ERC2: variants seen among roughly 807,000 people sequenced by gnomAD.
ERC2 encodes ELKS/RAB6-interacting/CAST family member 2.
In ERC2, 42 loss-of-function variants were observed where a neutral mutation model predicts 114.8. That is an observed-to-expected ratio of 0.37 (90% CI 0.29 to 0.47). The LOEUF is 0.47. Among genes scored for constraint, ERC2 ranks in the 20% least tolerant of loss-of-function variants. ERC2 has a pLI of 0.99. For synonymous variants in ERC2, 454 were observed against 425.5 expected (o/e 1.07, Z -0.82); for missense variants, 939 against 1,150.7 (o/e 0.82, Z 2.66).
chr3:55,546,416 T>G (rs1181254687), intron 17 of ERC2, among the ~76,000 whole-genome samples: 2 of 152,160 alleles, frequency 1.3e-5, no homozygotes, highest in Admixed American at 1.3e-4. Context: ...TTCTCTGGGA[T>G]TCATTTTTCT....
At chr3:56,373,511 G>A (rs1376632471) in intron 2 of ERC2, among the ~76,000 whole-genome samples, 1 of 152,172 alleles carries the variant, frequency 6.6e-6, no homozygotes, top group Admixed American at 6.5e-5. Context: ...CTCAACAGGG[G>A]ATTAGTTGGA....
At chr3:56,425,097 G>T (rs780485791) in intron 2 of ERC2, among the ~76,000 whole-genome samples, 2 of 151,972 alleles carry the variant, frequency 1.3e-5, no homozygotes, top group Non-Finnish European at 2.9e-5. Context: ...GCATCTGGTC[G>T]CCCTTCATCC....
At chr3:56,047,200 C>T (rs2075518110) in intron 7 of ERC2, among the ~76,000 whole-genome samples, 1 of 152,204 alleles carries the variant, frequency 6.6e-6, no homozygotes, top group South Asian at 2.1e-4. Context: ...TTGTCCAAGG[C>T]AGCTTCTCCA....
rs1401618567 is a variant in ERC2 at position 55,974,541 on chromosome 3, G to A, written c.2267+11436C>T. Among the ~76,000 whole-genome samples, 8 of 152,334 alleles carry A rather than the reference G, an allele frequency of 5.3e-5. No homozygotes were observed. The East Asian group carries it at 1.4e-3, about 26-fold the overall frequency. On this transcript the variant is annotated intron_variant, in intron 12 of 17. Coordinates refer to ENST00000288221, the MANE Select transcript of ERC2 (RefSeq NM_015576.3). ...GTCCCAAAAAATGATTCCTGGAACAGGCATAAAACCCCTCCTGGAAATACA... is the reference window on the plus strand; with the variant it reads ...GTCCCAAAAAATGATTCCTGGAACAAGCATAAAACCCCTCCTGGAAATACA...
chr3:56,455,346 G>C (rs2063017390), intron 1 of ERC2, among the ~76,000 whole-genome samples: 1 of 152,146 alleles, frequency 6.6e-6, no homozygotes, highest in South Asian at 2.1e-4. Context: ...CCTAAGGCAG[G>C]TGTTTTACAC....
intron 17 of ERC2, among the ~76,000 whole-genome samples, chr3:55,683,402 A>T (rs2062156044): frequency 6.6e-6 from 1 of 152,210 alleles, no homozygotes; most frequent in Non-Finnish European, 1.5e-5. Flanking sequence ...GAGTCACACC[A>T]CACTGGCATA....
chr3:55,890,194 A>G (rs1192318822), intron 13 of ERC2, among the ~76,000 whole-genome samples: 2 of 152,232 alleles, frequency 1.3e-5, no homozygotes, highest in Non-Finnish European at 2.9e-5. Context: ...ATATGACTAG[A>G]AGCCCAAAGC....
intron 3 of ERC2, among the ~76,000 whole-genome samples, chr3:56,236,542 T>A (rs183858855): frequency 2.6e-5 from 4 of 152,308 alleles, no homozygotes; most frequent in South Asian, 4.2e-4. Flanking sequence ...AGAACTTGTA[T>A]CTTCACAGAA....
rs77880067 is a variant in ERC2 at position 56,438,467 on chromosome 3, A to T, written c.-140-3320T>A. 7.0e-3 allele frequency among the ~76,000 whole-genome samples: 1,072 copies of T among 152,282 alleles called. 23 individuals carry two copies. Among genetic ancestry groups the T allele is most frequent in the African/African-American group, 0.025 (1,023 of 41,558 alleles). ...GATTAAAACCTTCTTCTCTGGCAAT[A>T]CTTGTCTCAGTGATTGGCCTTCTGT... On this transcript the variant is annotated intron_variant, in intron 1 of 17. Transcript: ENST00000288221.
intron 15 of ERC2, among the ~76,000 whole-genome samples, chr3:55,730,872 G>A (rs1471914198): frequency 1.3e-5 from 2 of 152,190 alleles, no homozygotes; most frequent in East Asian, 3.9e-4. Flanking sequence ...AGTCTGAAGA[G>A]GGTGGCATCT....
intron 6 of ERC2, among the ~76,000 whole-genome samples, chr3:56,134,127 C>A (rs2080358057): frequency 6.6e-6 from 1 of 152,186 alleles, no homozygotes; most frequent in Non-Finnish European, 1.5e-5. Context: ...GCAATATTAG[C>A]CTTCAATTAT....
At chr3:56,460,338 T>G (rs1449970275) in intron 1 of ERC2, among the ~76,000 whole-genome samples, 3 of 152,176 alleles carry the variant, frequency 2.0e-5, no homozygotes, top group Non-Finnish European at 2.9e-5. Flanking sequence ...CAGAGGTGGA[T>G]TCAAACTCTG....
At chr3:55,820,645 C>T (rs1030691566) in intron 14 of ERC2, among the ~76,000 whole-genome samples, 1 of 152,156 alleles carries the variant, frequency 6.6e-6, no homozygotes, top group Non-Finnish European at 1.5e-5. Context: ...GATCAGGTAG[C>T]ATACCCAAGG....
chr3:55,651,513 C>T (rs1278690990), intron 17 of ERC2, among the ~76,000 whole-genome samples: 1 of 152,182 alleles, frequency 6.6e-6, no homozygotes, highest in East Asian at 1.9e-4. Context: ...GTTCTAGTCT[C>T]AGGCTTCAGC....
At chr3:55,673,724 G>A (rs747535474) in intron 17 of ERC2, among the ~76,000 whole-genome samples, 25 of 150,994 alleles carry the variant, frequency 1.7e-4, no homozygotes, top group African/African-American at 3.9e-4. Context: ...ACACAAAACA[G>A]CAGCCAGAGT....
chr3:55,721,406 C>T (rs1414572368), intron 15 of ERC2, among the ~76,000 whole-genome samples: 1 of 152,270 alleles, frequency 6.6e-6, no homozygotes, highest in African/African-American at 2.4e-5. Flanking sequence ...AAAAGCGAAT[C>T]CTGCCAATTG....
intron 2 of ERC2, among the ~76,000 whole-genome samples, chr3:56,384,732 G>C (rs1163516579): frequency 6.6e-6 from 1 of 151,754 alleles, no homozygotes. Flanking sequence ...TTTTTCTTTT[G>C]TCACCTGTGC....
chr3:55,925,152 G>C (rs1176291724), intron 13 of ERC2, among the ~76,000 whole-genome samples: 7 of 152,172 alleles, frequency 4.6e-5, no homozygotes, highest in Admixed American at 1.3e-4. Flanking sequence ...AGTGTTACCA[G>C]ATCCTAAAGC....
rs1396505675 is a variant in ERC2 at position 56,434,778 on chromosome 3, T to C, written c.230A>G (p.Lys77Arg). Residue 77 changes from lysine (K) to arginine (R), a missense_variant, in exon 2 of 18, where the codon AAG (lysine) becomes AGG (arginine). This residue lies in a region of ERC2 where 281 missense variants were observed against 307.4 expected (regional missense o/e 0.91). Coordinates refer to ENST00000288221, the MANE Select transcript of ERC2 (RefSeq NM_015576.3). ...HEGVASTTYPKGTMTLGRATN... is the reference protein window; with the variant it reads ...HEGVASTTYPRGTMTLGRATN... ...AGCCCTTCCCAGAGTCATAGTGCCC[T>C]TTGGGTAGGTTGTTGAAGCCACCCC... 3 of 1,613,886 alleles carry C rather than the reference T, an allele frequency of 1.9e-6. No individual in the cohort carries two copies. The highest frequency in any genetic ancestry group is 2.7e-5 in the African/African-American group (2 of 74,916).
Sources: gnomAD v4.1 joint callset for allele counts (sites outside exome capture counted in the v4.1 genomes callset) on GRCh38, gnomAD v4.1.1 for gene constraint, gnomAD v4.1.1 regional missense constraint, MANE v1.5 for transcripts, NCBI Gene and HGNC (gene_info 2026-07-23, HGNC 2026-07-21) for gene names.